The following AGMO variants were observed in gnomAD, a reference collection of about 807,000 sequenced individuals.
The protein encoded by AGMO is glyceryl-ether monooxygenase.
AGMO carries 75 observed loss-of-function variants against 60.2 expected under a neutral mutation model. That is an observed-to-expected ratio of 1.25 (90% CI 1.03 to 1.51). AGMO has a LOEUF of 1.51. AGMO is among the 40% of genes most tolerant of loss of function. The pLI is 0.00. For missense variants in AGMO, 763 were observed against 525.5 expected, an observed-to-expected ratio of 1.45 and a Z score of -4.42; for synonymous variants, 261 against 177.1, an observed-to-expected ratio of 1.47 and a Z score of -3.76.
intron 12 of AGMO, among the ~76,000 whole-genome samples, chr7:15,236,670 A>G (rs1311232258): frequency 2.0e-5 from 3 of 152,160 alleles, no homozygotes; most frequent in East Asian, 1.9e-4. Context: ...TGAGTAAGAT[A>G]TATGTTGAGG....
At chr7:15,198,263 CAGAGAG>C (rs1331531844), downstream of AGMO, among the ~76,000 whole-genome samples, 1 of 60,936 alleles carries the variant, frequency 1.6e-5, no homozygotes, top group Non-Finnish European at 3.2e-5. Context: ...GAGACAGAGA[CAGAGAG>C]AGAGTGTGTT....
At chr7:15,136,343 T>C in the AGMO span, among the ~76,000 whole-genome samples, 2 of 152,162 alleles carry the variant, frequency 1.3e-5, no homozygotes, top group Admixed American at 1.3e-4. Flanking sequence ...ACAAGCTCCC[T>C]TACCCTTTCT....
At chr7:15,256,695 G>A (rs554837927) in intron 12 of AGMO, among the ~76,000 whole-genome samples, 21 of 152,276 alleles carry the variant, frequency 1.4e-4, no homozygotes, top group African/African-American at 5.1e-4. Context: ...CTACTGGTTT[G>A]TGTTACAGTT....
At chr7:15,252,266 A>T (rs1207364021) in intron 12 of AGMO, among the ~76,000 whole-genome samples, 1 of 152,188 alleles carries the variant, frequency 6.6e-6, no homozygotes, top group Non-Finnish European at 1.5e-5. Context: ...ACAATCTTAA[A>T]CAGGGTGGTC....
At chr7:15,209,202 A>C (rs757346616) in intron 12 of AGMO, among the ~76,000 whole-genome samples, 4 of 152,152 alleles carry the variant, frequency 2.6e-5, no homozygotes, top group African/African-American at 9.7e-5. Flanking sequence ...ATAAATAAAG[A>C]GTCTAAGGCA....
At chr7:15,528,626 G>A (rs1285375611) in intron 3 of AGMO, among the ~76,000 whole-genome samples, 2 of 151,988 alleles carry the variant, frequency 1.3e-5, no homozygotes, top group Non-Finnish European at 2.9e-5. Flanking sequence ...ACAATCAGAT[G>A]ACTGGAATAC....
intron 12 of AGMO, among the ~76,000 whole-genome samples, chr7:15,229,736 TTATAA>T (rs1454562433): frequency 2.0e-5 from 3 of 147,072 alleles, no homozygotes; most frequent in Non-Finnish European, 4.5e-5. Context: ...AAATTATATA[TTATAA>T]TATATATAAA....
intron 12 of AGMO, among the ~76,000 whole-genome samples, chr7:15,363,458 T>TC (rs1236703249): frequency 2.6e-5 from 4 of 152,114 alleles, no homozygotes; most frequent in Admixed American, 6.5e-5. Flanking sequence ...ATGTTATACT[T>TC]CCTCCTTTTA....
chr7:15,386,852 G>T (rs577170693), intron 9 of AGMO, among the ~76,000 whole-genome samples: 1 of 152,180 alleles, frequency 6.6e-6, no homozygotes, highest in East Asian at 1.9e-4. Flanking sequence ...TTTTTCATTT[G>T]GGTTCTGCTG....
chr7:15,361,782 T>G (rs1462067834), intron 12 of AGMO, among the ~76,000 whole-genome samples: 1 of 152,050 alleles, frequency 6.6e-6, no homozygotes, highest in Non-Finnish European at 1.5e-5. Flanking sequence ...TAACTATAAA[T>G]TTGATAGGCA....
At chr7:15,283,117 T>C (rs12155342) in intron 12 of AGMO, among the ~76,000 whole-genome samples, 101,968 of 151,944 alleles carry the variant, frequency 0.67, 34,772 homozygotes, top group African/African-American at 0.78. Context: ...AAGTCCTATA[T>C]GAAACATAAT....
At chr7:15,345,808 A>AC (rs1163149816) in intron 12 of AGMO, among the ~76,000 whole-genome samples, 1 of 152,116 alleles carries the variant, frequency 6.6e-6, no homozygotes, top group Non-Finnish European at 1.5e-5. Context: ...CAAAGCCAGG[A>AC]CCTCAATTTG....
At chr7:15,210,664 C>G (rs946998044) in intron 12 of AGMO, among the ~76,000 whole-genome samples, 1 of 152,000 alleles carries the variant, frequency 6.6e-6, no homozygotes, top group East Asian at 1.9e-4. Flanking sequence ...TAACAGAGAA[C>G]AGAATTGCAT....
At chr7:15,503,459 A>T (rs1462106812) in intron 3 of AGMO, among the ~76,000 whole-genome samples, 1 of 152,066 alleles carries the variant, frequency 6.6e-6, no homozygotes, top group Non-Finnish European at 1.5e-5. Context: ...ATTAATTCTA[A>T]GTCTAATAGG....
At chr7:15,306,776 T>C (rs577362670) in intron 12 of AGMO, among the ~76,000 whole-genome samples, 1 of 152,188 alleles carries the variant, frequency 6.6e-6, no homozygotes, top group African/African-American at 2.4e-5. Flanking sequence ...CTAAGATTTC[T>C]ACTTTATTAT....
At chr7:15,438,876 G>A (rs958745802) in intron 3 of AGMO, among the ~76,000 whole-genome samples, 8 of 152,144 alleles carry the variant, frequency 5.3e-5, no homozygotes, top group African/African-American at 1.7e-4. Context: ...TTAATTTGTT[G>A]TTATTAATAC....
intron 4 of AGMO, among the ~76,000 whole-genome samples, chr7:15,425,674 A>G (rs1166695206): frequency 6.6e-6 from 1 of 152,148 alleles, no homozygotes; most frequent in Non-Finnish European, 1.5e-5. Context: ...TCCTGGGCTC[A>G]AGCAATCTGC....
At chr7:15,134,416 C>T in the AGMO span, among the ~76,000 whole-genome samples, 2,106 of 152,160 alleles carry the variant, frequency 0.014, 61 homozygotes, top group African/African-American at 0.049. Context: ...GTATGCAATA[C>T]GTCACAATAG....
At chr7:15,472,126 G>C (rs772687273) in intron 3 of AGMO, among the ~76,000 whole-genome samples, 2 of 151,844 alleles carry the variant, frequency 1.3e-5, no homozygotes, top group South Asian at 2.1e-4. Context: ...TAAACTCCTT[G>C]AGGTTAAGGA....
Sources: gnomAD v4.1 joint callset for allele counts (sites outside exome capture counted in the v4.1 genomes callset) on GRCh38, gnomAD v4.1.1 for gene constraint, MANE v1.5 for transcripts, NCBI Gene and HGNC (gene_info 2026-07-23, HGNC 2026-07-21) for gene names.